CD99: variants seen among roughly 807,000 people sequenced by gnomAD.
CD99 encodes the protein CD99 molecule (Xg blood group).
In CD99, 19 loss-of-function variants were observed where a neutral mutation model predicts 28.4. The ratio of observed to expected loss-of-function variants is 0.67; its 90% CI spans 0.47 to 0.98. The LOEUF (loss-of-function observed/expected upper bound fraction) is 0.98, where lower values mean the gene tolerates loss of function less well. Among genes scored for constraint, CD99 ranks in the 50% least tolerant of loss-of-function variants. The pLI, the probability that CD99 is intolerant of heterozygous loss-of-function variation, is 0.00. For synonymous variants in CD99, 103 were observed against 92.1 expected (o/e 1.12, Z -0.67); for missense variants, 283 against 248.8 (o/e 1.14, Z -0.92).
In CD99 at chrX:2,738,244, G is replaced by A. The variant is rs762715212; in HGVS notation, c.520G>A (p.Ala174Thr). 6.2e-6 allele frequency: 10 copies of A among 1,613,810 alleles called. No homozygotes were observed. Among genetic ancestry groups the A allele is most frequent in the African/African-American group, 4.0e-5 (3 of 74,926 alleles). The change falls in exon 9 of 10, where the codon GCA (alanine) becomes ACA (threonine). Residue 174 changes from alanine (A) to threonine (T), a missense_variant. Transcript: ENST00000381192. ...VDMESHRNANAEPAVQRTLLE... is the reference protein window; with the variant it reads ...VDMESHRNANTEPAVQRTLLE... The stretch of plus-strand genomic sequence containing the variant: ...CATGGAGAGCCACCGGAATGCCAAC[G>A]CAGAGCCAGCTGGTAAGAAGGACGG...
intron 1 of CD99, among the ~76,000 whole-genome samples, chrX:2,706,176 G>A (rs757542193): frequency 2.0e-5 from 3 of 151,750 alleles, no homozygotes; most frequent in East Asian, 1.9e-4. Context: ...TGGCTACCAC[G>A]GTGAAACCCA....
chrX:2,713,772 C>G (rs2048556466), intron 1 of CD99, among the ~76,000 whole-genome samples: 1 of 152,292 alleles, frequency 6.6e-6, no homozygotes, highest in East Asian at 1.9e-4. Flanking sequence ...GACGATTATC[C>G]TAACTCTTCC....
At chrX:2,729,024 G>T (rs1037519856) in intron 8 of CD99, among the ~76,000 whole-genome samples, 4 of 151,884 alleles carry the variant, frequency 2.6e-5, no homozygotes, top group Non-Finnish European at 5.9e-5. Flanking sequence ...AGAGATGGGG[G>T]TTCACCATGT....
chrX:2,699,891 T>C (rs1479617316), intron 1 of CD99, among the ~76,000 whole-genome samples: 3 of 152,262 alleles, frequency 2.0e-5, no homozygotes, highest in African/African-American at 7.2e-5. Context: ...CGGATGTGAA[T>C]GTCTATGCCA....
At chrX:2,717,907 C>T (rs2048807241) in intron 3 of CD99, 4 of 446,704 alleles carry the variant, frequency 9.0e-6, no homozygotes, top group Non-Finnish European at 1.6e-5. Flanking sequence ...TTCTAAGGGT[C>T]TGAGTTACTC....
At chrX:2,720,188 A>C (rs2048926158) in intron 4 of CD99, 168 bp from the exon 5 acceptor site, 1 of 155,164 alleles carries the variant, frequency 6.4e-6, no homozygotes, top group African/African-American at 2.4e-5. Context: ...ACTGTGGCTG[A>C]AAGTTGATGG....
In CD99 at chrX:2,695,822, C is replaced by T. The variant is rs186130778; in HGVS notation, c.67+4395C>T. Among the ~76,000 whole-genome samples the T allele has an allele frequency of 8.4e-3, 1,273 of 151,952 alleles. 19 individuals carry two copies. Among genetic ancestry groups the T allele is most frequent in the African/African-American group, 0.028 (1,154 of 41,422 alleles). On this transcript the variant is annotated intron_variant, in intron 1 of 9. Coordinates refer to ENST00000381192, the MANE Select transcript of CD99 (RefSeq NM_002414.5). Reference sequence around the variant, plus strand: ...CTATTTTTTGTATTTTTAGTAGAGACGGTGTTTCACCCTGTTGGACAGGCT... The same window carrying T: ...CTATTTTTTGTATTTTTAGTAGAGATGGTGTTTCACCCTGTTGGACAGGCT...
chrX:2,727,534 T>C (rs1437894163), intron 8 of CD99, among the ~76,000 whole-genome samples: 2 of 152,170 alleles, frequency 1.3e-5, no homozygotes, highest in Non-Finnish European at 2.9e-5. Flanking sequence ...TGGAGTGCAG[T>C]GGCGCAATCT....
At chrX:2,737,428 GCC>G (rs2050002484) in intron 8 of CD99, among the ~76,000 whole-genome samples, 1 of 148,644 alleles carries the variant, frequency 6.7e-6, no homozygotes, top group African/African-American at 2.5e-5. Context: ...CGCCCGCCTG[GCC>G]TCCCAAAGTG....
chrX:2,714,315 T>C, intron 1 of CD99, 107 bp from the exon 2 acceptor site: 2 of 926,790 alleles, frequency 2.2e-6, no homozygotes, highest in Non-Finnish European at 1.6e-6. Flanking sequence ...TAAGTTGCTG[T>C]TTTAAATATC....
rs192447655 is a variant in CD99, at chrX:2,695,593, G to A, written c.67+4166G>A. Among the ~76,000 whole-genome samples the A allele has an allele frequency of 1.6e-4, 24 of 150,932 alleles. No homozygotes were observed. The East Asian group carries it at 4.3e-3, about 27-fold the overall frequency. ...TGCCTGGCCACTTTTAAATTTTTTTGTAGAGACAGGGTCTTGCTATGTTGC... is the reference window on the plus strand; with the variant it reads ...TGCCTGGCCACTTTTAAATTTTTTTATAGAGACAGGGTCTTGCTATGTTGC... On this transcript the variant is annotated intron_variant, in intron 1 of 9. Transcript: ENST00000381192.
chrX:2,710,305 T>C (rs563659590), intron 1 of CD99, among the ~76,000 whole-genome samples: 79 of 152,262 alleles, frequency 5.2e-4, no homozygotes, highest in African/African-American at 1.5e-3. Flanking sequence ...TTAGAAACCT[T>C]CCGAGTCTCG....
chrX:2,733,520 C>T (rs2049784793), intron 8 of CD99: 3 of 819,412 alleles, frequency 3.7e-6, no homozygotes, highest in Non-Finnish European at 6.0e-6. Flanking sequence ...TTCTCAATCA[C>T]ATGGCGGATT....
intron 1 of CD99, among the ~76,000 whole-genome samples, chrX:2,707,595 G>T (rs1462879763): frequency 2.0e-5 from 3 of 152,158 alleles, no homozygotes; most frequent in Non-Finnish European, 2.9e-5. Flanking sequence ...TCTGTCGTCC[G>T]TTCCGCCTTG....
At chrX:2,721,992 A>G (rs996058252) in intron 5 of CD99, among the ~76,000 whole-genome samples, 3 of 152,056 alleles carry the variant, frequency 2.0e-5, no homozygotes, top group African/African-American at 7.2e-5. Context: ...TTACCAATTT[A>G]TTTTGATGCC....
intron 8 of CD99, among the ~76,000 whole-genome samples, chrX:2,736,944 GAAAA>G (rs1416242781): frequency 1.3e-5 from 2 of 151,880 alleles, no homozygotes; most frequent in Non-Finnish European, 2.9e-5. Flanking sequence ...GGAGGAGGAA[GAAAA>G]CCGGGTACAC....
At chrX:2,700,900 CCCAT>C (rs1445239303) in intron 1 of CD99, among the ~76,000 whole-genome samples, 1 of 149,594 alleles carries the variant, frequency 6.7e-6, no homozygotes, top group Non-Finnish European at 1.5e-5. Flanking sequence ...CACCCACCCA[CCCAT>C]CCATCCACCC....
At chrX:2,693,604 C>G (rs1163996961) in intron 1 of CD99, among the ~76,000 whole-genome samples, 1 of 152,182 alleles carries the variant, frequency 6.6e-6, no homozygotes, top group African/African-American at 2.4e-5. Flanking sequence ...GTGCATCAGG[C>G]TGCAAAACCC....
rs1478304552 is a variant in CD99, at chrX:2,717,428, T to C, written c.101-177T>C. ...GCCGGTAGCAGCCTCTGTGTCTGTC[T>C]TCTGGGCTCAAGAGTCGTTGTATAA... On this transcript the variant is annotated intron_variant, in intron 2 of 9. Transcript: ENST00000381192. 6 of 613,270 alleles carry C rather than the reference T, an allele frequency of 9.8e-6. No homozygotes were observed. In the East Asian group the frequency reaches 1.7e-4, roughly 17 times the overall value. The allele number at this position is 613,270 out of a possible 1,614,324, so 38.0% of individuals were successfully genotyped here.
Sources: allele counts gnomAD v4.1 joint callset (sites outside exome capture counted in the v4.1 genomes callset), GRCh38; gene constraint gnomAD v4.1.1; transcripts MANE v1.5; gene names NCBI Gene and HGNC (gene_info 2026-07-23, HGNC 2026-07-21).